TIMM17A: variants seen among roughly 807,000 people sequenced by gnomAD.
TIMM17A encodes translocase of inner mitochondrial membrane 17A, also known as mitochondrial import inner membrane translocase subunit Tim17-A.
TIMM17A carries 15 observed loss-of-function variants against 26.5 expected under a neutral mutation model. The observed-to-expected ratio is 0.57, with a 90% CI of 0.38 to 0.87. The LOEUF (loss-of-function observed/expected upper bound fraction) is 0.87. Among genes scored for constraint, TIMM17A ranks in the 40% least tolerant of loss-of-function variants. The pLI, the probability that TIMM17A is intolerant of heterozygous loss-of-function variation, is 0.00. For missense variants in TIMM17A, 201 were observed against 210.0 expected (o/e 0.96, Z 0.27); for synonymous variants, 80 against 70.8 (o/e 1.13, Z -0.66).
At chr1:201,961,066 C>CT (rs71141429) in intron 3 of TIMM17A, among the ~76,000 whole-genome samples, 50,885 of 135,974 alleles carry the variant, frequency 0.37, 9,479 homozygotes, top group Admixed American at 0.44. Flanking sequence ...CTTATATTTT[C>CT]TTTTTTTTTT....
At chr1:201,968,706 A>G (rs150284991) in intron 5 of TIMM17A, among the ~76,000 whole-genome samples, 2 of 152,030 alleles carry the variant, frequency 1.3e-5, no homozygotes, top group Non-Finnish European at 2.9e-5. Flanking sequence ...TATCTTCTCA[A>G]GTTTTCTGTA....
At chr1:201,960,249 A>T (rs1682500654) in intron 3 of TIMM17A, among the ~76,000 whole-genome samples, 1 of 152,016 alleles carries the variant, frequency 6.6e-6, no homozygotes, top group African/African-American at 2.4e-5. Flanking sequence ...AAAATACACC[A>T]ATTAGCCGGG....
intron 3 of TIMM17A, among the ~76,000 whole-genome samples, chr1:201,961,563 T>C (rs532115307): frequency 3.9e-5 from 6 of 152,028 alleles, no homozygotes; most frequent in Admixed American, 1.3e-4. Context: ...TTGAGAATGG[T>C]ATTTAGGGCC....
rs187296216 is a variant in TIMM17A, at chr1:201,958,610, C to T, written c.190+1036C>T. Among the ~76,000 whole-genome samples, 407 of 152,194 alleles carry T rather than the reference C, an allele frequency of 2.7e-3. 5 individuals are homozygous for T. Among genetic ancestry groups the T allele is most frequent in the Non-Finnish European group, 2.4e-3 (165 of 67,998 alleles). ...CAGCTACTAGGGAGGCTGACATGGA[C>T]GGATCACTTGAACCCATGAGGTTGA... is the stretch of plus-strand genomic sequence containing the variant. On this transcript the variant is annotated intron_variant, in intron 3 of 5. Transcript: ENST00000367287.
chr1:201,967,187 C>A (rs1682648253), intron 5 of TIMM17A, among the ~76,000 whole-genome samples: 2 of 151,880 alleles, frequency 1.3e-5, no homozygotes, highest in South Asian at 4.2e-4. Context: ...TTCCCTGAGG[C>A]ACCTAGCAAG....
intron 3 of TIMM17A, 82 bp from the exon 4 acceptor site, chr1:201,963,534 G>T: frequency 7.0e-7 from 1 of 1,429,386 alleles, no homozygotes. Flanking sequence ...AGACTATAGT[G>T]AGTATGTTTT....
At chr1:201,968,246 C>T (rs780006696) in intron 5 of TIMM17A, among the ~76,000 whole-genome samples, 2 of 151,932 alleles carry the variant, frequency 1.3e-5, no homozygotes, top group Non-Finnish European at 2.9e-5. Context: ...CGTGATCCGC[C>T]CGCCTTGACC....
At chr1:201,965,022 G>T (rs1024536156) in intron 4 of TIMM17A, among the ~76,000 whole-genome samples, 1 of 151,740 alleles carries the variant, frequency 6.6e-6, no homozygotes, top group African/African-American at 2.4e-5. Context: ...CACAATCTCG[G>T]CTCACTGCAA....
intron 5 of TIMM17A, among the ~76,000 whole-genome samples, chr1:201,967,584 C>T (rs1040840625): frequency 6.9e-6 from 1 of 144,372 alleles, no homozygotes; most frequent in African/African-American, 2.6e-5. Flanking sequence ...TCTCTGTGAC[C>T]CCGGCTGGAG....
intron 5 of TIMM17A, among the ~76,000 whole-genome samples, chr1:201,966,811 C>T (rs1367553287): frequency 6.7e-6 from 1 of 150,088 alleles, no homozygotes; most frequent in Non-Finnish European, 1.5e-5. Flanking sequence ...CATTGCACTC[C>T]AGCCTGGGCA....
rs1169017928 is a variant in TIMM17A at position 201,964,645 on chromosome 1, T to A, written c.320-788T>A. ...TATTTTATTTTATTTCTTTTTTTTT[T>A]TTTTTTTTTTTTTTTTTTTTTGAGA... On this transcript the variant is annotated intron_variant, in intron 4 of 5. Transcript: ENST00000367287. 7.1e-3 allele frequency among the ~76,000 whole-genome samples: 856 copies of A among 120,262 alleles called. 14 individuals are homozygous for A. Among genetic ancestry groups the A allele is most frequent in the Non-Finnish European group, 7.7e-3 (454 of 58,860 alleles). 78.9% of individuals were successfully genotyped at this position (120,262 alleles called of 152,430 possible).
chr1:201,965,488 A>G lies in TIMM17A; in HGVS notation c.375A>G (p.Leu125=). The change falls in exon 5 of 6, where the codon TTA becomes TTG. Residue 125 remains leucine, a synonymous_variant. Coordinates refer to ENST00000367287, the MANE Select transcript of TIMM17A (RefSeq NM_006335.3). The part of the protein sequence containing the change: ...SAAMGGILLA[L]IEGAGILLTR... ...CAATGGGTGGCATTCTCCTAGCTTT[A>G]ATTGAAGGAGCTGGTATCTTGTTGA... 3 of 1,614,164 alleles carry G rather than the reference A, an allele frequency of 1.9e-6. No homozygotes were observed. Among genetic ancestry groups the G allele is most frequent in the Non-Finnish European group, 2.5e-6 (3 of 1,179,996 alleles).
chr1:201,960,339 G>A (rs1571604140), intron 3 of TIMM17A, among the ~76,000 whole-genome samples: 1 of 152,142 alleles, frequency 6.6e-6, no homozygotes, highest in East Asian at 1.9e-4. Context: ...GGCAGAGTTT[G>A]TAGTGAGCCG....
chr1:201,970,391 T>C lies in TIMM17A; in HGVS notation c.*837T>C, dbSNP rs1364217188. On this transcript the variant is annotated 3_prime_UTR_variant, in exon 6 of 6. Transcript: ENST00000367287. ...ATAAACGATGTATTTTGGGGTCTGGTTGGGCCTGGAAAATGGATGAGCACT... is the reference window on the plus strand; with the variant it reads ...ATAAACGATGTATTTTGGGGTCTGGCTGGGCCTGGAAAATGGATGAGCACT... 6 of 152,236 alleles carry C rather than the reference T, an allele frequency of 3.9e-5. No individual in the cohort carries two copies. The highest frequency in any genetic ancestry group is 1.9e-4 in the East Asian group (1 of 5,202). The allele number at this position is 152,236 out of a possible 1,614,324, so 9.4% of individuals were successfully genotyped here. A position where few individuals can be genotyped will look rare whatever the true frequency, so the allele number is the denominator to read the frequency against.
In TIMM17A at chr1:201,957,584, A is replaced by G; in HGVS notation, c.190+10A>G. 6.2e-7 allele frequency: 1 copy of G among 1,605,372 alleles called. No individual in the cohort carries two copies. The highest frequency in any genetic ancestry group is 8.5e-7 in the Non-Finnish European group (1 of 1,176,760). ...GCTCCACAGTTAGGAGGTAAGCAGA[A>G]TTTTCATTTTAACTGAACTATTTTT... On this transcript the variant is annotated intron_variant, in intron 3 of 5. Coordinates refer to ENST00000367287, the MANE Select transcript of TIMM17A (RefSeq NM_006335.3).
chr1:201,963,666 G>C lies in TIMM17A; in HGVS notation c.241G>C (p.Val81Leu), dbSNP rs1467563370. The C allele has an allele frequency of 6.2e-7, 1 of 1,611,438 alleles. No homozygotes were observed. The highest frequency in any genetic ancestry group is 1.7e-5 in the Admixed American group (1 of 59,176). ...GTTTTCCATGATTGACTGTAGTATG[G>C]TTCAAGTCAGAGGAAAGGAAGATCC... ...GLFSMIDCSM[V>L]QVRGKEDPWN... Residue 81 changes from valine to leucine, a missense_variant, in exon 4 of 6, where the codon GTT (valine) becomes CTT (leucine). Transcript: ENST00000367287.
intron 5 of TIMM17A, among the ~76,000 whole-genome samples, chr1:201,966,903 T>C (rs1363665005): frequency 6.8e-6 from 1 of 147,824 alleles, no homozygotes; most frequent in Admixed American, 6.8e-5. Context: ...TTATATATTA[T>C]ATATGTTATA....
intron 1 of TIMM17A, among the ~76,000 whole-genome samples, chr1:201,956,948 T>G (rs1682422972): frequency 7.2e-6 from 1 of 139,262 alleles, no homozygotes; most frequent in Admixed American, 7.5e-5. Flanking sequence ...AGAGTGAGAC[T>G]CCATCTCAAA....
intron 5 of TIMM17A, among the ~76,000 whole-genome samples, chr1:201,967,780 C>T (rs900936777): frequency 1.3e-5 from 2 of 152,014 alleles, no homozygotes; most frequent in Admixed American, 6.6e-5. Context: ...AAGCGATCCT[C>T]CCTGCCTCGG....
Sources: allele counts gnomAD v4.1 joint callset (sites outside exome capture counted in the v4.1 genomes callset), GRCh38; gene constraint gnomAD v4.1.1; transcripts MANE v1.5; gene names NCBI Gene and HGNC (gene_info 2026-07-23, HGNC 2026-07-21).